TMEM100: variants seen among roughly 807,000 people sequenced by gnomAD.
TMEM100 encodes transmembrane protein 100.
For missense variants in TMEM100, 137 were observed against 168.2 expected (o/e 0.81, Z 1.02); for synonymous variants, 61 against 67.1 (o/e 0.91, Z 0.44).
chr17:55,723,360 T>C (rs1908970509), upstream of TMEM100, among the ~76,000 whole-genome samples: 1 of 152,140 alleles, frequency 6.6e-6, no homozygotes, highest in African/African-American at 2.4e-5. Flanking sequence ...AAAACCCCAC[T>C]TGTTGAGTGT....
rs1426585173 is a variant in TMEM100, at chr17:55,720,582, C to T, written c.*84G>A. 2.2e-6 allele frequency: 3 copies of T among 1,359,178 alleles called. No homozygotes were observed. Among genetic ancestry groups the T allele is most frequent in the East Asian group, 3.0e-5 (1 of 33,238 alleles). The allele number at this position is 1,359,178 out of a possible 1,614,324, so 84.2% of individuals were successfully genotyped here. A position where few individuals can be genotyped will look rare whatever the true frequency, so the allele number is the denominator to read the frequency against. The stretch of plus-strand genomic sequence containing the variant: ...TCTGCTCCAACGCCAAGTCTGTTCT[C>T]TCCCACCATGGTTCTGGGTGAATTG... On this transcript the variant is annotated 3_prime_UTR_variant, in exon 2 of 2. Transcript: ENST00000424486.
chr17:55,724,570 GT>G (rs899143604), upstream of TMEM100, among the ~76,000 whole-genome samples: 11 of 152,166 alleles, frequency 7.2e-5, no homozygotes, highest in African/African-American at 2.4e-4. Flanking sequence ...TACAATGGAG[GT>G]TCTTGAGAAG....
upstream of TMEM100, among the ~76,000 whole-genome samples, chr17:55,727,604 T>G (rs1195721694): frequency 1.3e-5 from 2 of 152,248 alleles, no homozygotes; most frequent in African/African-American, 4.8e-5. Context: ...CATAAAATTA[T>G]GTACATAAAC....
chr17:55,722,431 A>C (rs1878009450), intron 1 of TMEM100, 188 bp downstream of exon 1: 1 of 152,234 alleles, frequency 6.6e-6, no homozygotes, highest in Non-Finnish European at 1.5e-5. Context: ...TAAATCTTAG[A>C]GCTGCCTACT....
intron 1 of TMEM100, among the ~76,000 whole-genome samples, chr17:55,728,947 A>G (rs1428173490): frequency 6.6e-6 from 1 of 152,252 alleles, no homozygotes; most frequent in Non-Finnish European, 1.5e-5. Context: ...AGTCTTCTAC[A>G]AAGAGCACTG....
intron 1 of TMEM100, among the ~76,000 whole-genome samples, chr17:55,731,015 G>A (rs1040446513): frequency 1.3e-5 from 2 of 152,126 alleles, no homozygotes; most frequent in African/African-American, 2.4e-5. Flanking sequence ...ATGAGAACAC[G>A]ATGTTTCTTC....
chr17:55,730,004 C>G (rs1404771717), intron 1 of TMEM100, among the ~76,000 whole-genome samples: 1 of 152,110 alleles, frequency 6.6e-6, no homozygotes, highest in East Asian at 1.9e-4. Flanking sequence ...TTTTGCCTTA[C>G]TAAGAACTAA....
rs1373356870 is a variant in TMEM100, at chr17:55,721,027, G to A, written c.44C>T (p.Ala15Val). 6.2e-7 allele frequency: 1 copy of A among 1,613,772 alleles called. No homozygotes were observed. Among genetic ancestry groups the A allele is most frequent in the African/African-American group, 1.3e-5 (1 of 75,010 alleles). Residue 15 changes from alanine to valine, a missense_variant, in exon 2 of 2, where the codon GCT (alanine) becomes GTT (valine). Physicochemically the swap from Ala to Val is moderately conservative, Grantham distance 64. Coordinates refer to ENST00000424486, the MANE Select transcript of TMEM100 (RefSeq NM_018286.3). ...CTTCTCCATCGTCGCTGCCATGTGAGCCTTTGGGGCTCCCAGGATCTCCTT... is the reference window on the plus strand; with the variant it reads ...CTTCTCCATCGTCGCTGCCATGTGAACCTTTGGGGCTCCCAGGATCTCCTT... ...PIKEILGAPK[A>V]HMAATMEKSP...
upstream of TMEM100, among the ~76,000 whole-genome samples, chr17:55,727,053 C>A (rs368233256): frequency 2.6e-5 from 4 of 152,102 alleles, no homozygotes; most frequent in East Asian, 7.7e-4. Context: ...ATTACAATCC[C>A]CATTCTCTTA....
upstream of TMEM100, among the ~76,000 whole-genome samples, chr17:55,727,530 T>C (rs1044258563): frequency 8.5e-5 from 13 of 152,166 alleles, no homozygotes; most frequent in African/African-American, 2.7e-4. Context: ...ATGGAGCCCT[T>C]TGGTGCTCGT....
At chr17:55,730,345 T>A (rs1296255675) in intron 1 of TMEM100, among the ~76,000 whole-genome samples, 1 of 152,212 alleles carries the variant, frequency 6.6e-6, no homozygotes, top group Non-Finnish European at 1.5e-5. Flanking sequence ...CTAAGTACAT[T>A]AATTATTCCT....
In TMEM100 at chr17:55,722,629, G is replaced by A. The variant is rs1186722545; in HGVS notation, c.-76C>T. On this transcript the variant is annotated 5_prime_UTR_variant, in exon 1 of 2. Transcript: ENST00000424486. ...ATTACTTACACTCACCTCGGAGAGAGGCAATCCATTACCAGAGTAACCACT... is the reference window on the plus strand; with the variant it reads ...ATTACTTACACTCACCTCGGAGAGAAGCAATCCATTACCAGAGTAACCACT... The A allele has an allele frequency of 6.6e-6, 1 of 152,214 alleles. No homozygotes were observed. Among genetic ancestry groups the A allele is most frequent in the Non-Finnish European group, 1.5e-5 (1 of 68,042 alleles). 9.4% of individuals were successfully genotyped at this position (152,214 alleles called of 1,614,324 possible). A position where few individuals can be genotyped will look rare whatever the true frequency, so the allele number is the denominator to read the frequency against.
At chr17:55,730,995 C>T (rs1466516717) in intron 1 of TMEM100, among the ~76,000 whole-genome samples, 1 of 152,164 alleles carries the variant, frequency 6.6e-6, no homozygotes, top group Non-Finnish European at 1.5e-5. Context: ...AGAGAGTACA[C>T]AGCCACAGAA....
Position 55,720,725 on chromosome 17 carries a change from C to G in TMEM100, c.346G>C (p.Ala116Pro), listed in dbSNP as rs1296561254. The change falls in exon 2 of 2, where the codon GCC becomes CCC. Residue 116 changes from alanine (A) to proline (P), a missense_variant. Coordinates refer to ENST00000424486, the MANE Select transcript of TMEM100 (RefSeq NM_018286.3). ...CWKVRQRSKKAKRRESQTALV... is the reference protein window; with the variant it reads ...CWKVRQRSKKPKRRESQTALV... The stretch of plus-strand genomic sequence containing the variant: ...GCTGTTTGACTCTCCCGTCTCTTGG[C>G]TTTCTTGCTCCTTTGTCTCACTTTC... The G allele has an allele frequency of 6.2e-7, 1 of 1,613,966 alleles. No individual in the cohort carries two copies. The highest frequency in any genetic ancestry group is 8.5e-7 in the Non-Finnish European group (1 of 1,179,982).
At position 55,721,044 on chromosome 17, in the gene TMEM100, G is replaced by A. The variant is rs772892040; in HGVS notation, c.27C>T (p.Ile9=). 61 of 1,612,980 alleles carry A rather than the reference G, an allele frequency of 3.8e-5. No individual in the cohort carries two copies. The South Asian group carries it at 4.6e-4, about 12-fold the overall frequency. The change falls in exon 2 of 2, where the codon ATC becomes ATT. Residue 9 remains isoleucine, a synonymous_variant. Transcript: ENST00000424486. ...CCATGTGAGCCTTTGGGGCTCCCAG[G>A]ATCTCCTTGATGGGCTCTTCAGTCA... MTEEPIKE[I]LGAPKAHMAA...
upstream of TMEM100, among the ~76,000 whole-genome samples, chr17:55,725,739 G>GTC (rs1909052377): frequency 7.3e-6 from 1 of 136,878 alleles, no homozygotes; most frequent in Admixed American, 6.9e-5. Context: ...GTGTGTGTGT[G>GTC]TGTGTGTGTG....
rs771017116 is a variant in TMEM100 at position 55,721,062 on chromosome 17, T to G, written c.9A>C (p.Glu3Asp). The G allele has an allele frequency of 1.2e-6, 2 of 1,608,658 alleles. No homozygotes were observed. Among genetic ancestry groups the G allele is most frequent in the South Asian group, 2.2e-5 (2 of 90,174 alleles). Reference sequence around the variant, plus strand: ...CTCCCAGGATCTCCTTGATGGGCTCTTCAGTCATTTTTACAACAGTGCTTC... The same window carrying G: ...CTCCCAGGATCTCCTTGATGGGCTCGTCAGTCATTTTTACAACAGTGCTTC... MTEEPIKEILGAP... is the reference protein window; with the variant it reads MTDEPIKEILGAP... The change falls in exon 2 of 2, where the codon GAA (glutamate) becomes GAC (aspartate). Residue 3 changes from glutamate to aspartate, a missense_variant. Coordinates refer to ENST00000424486, the MANE Select transcript of TMEM100 (RefSeq NM_018286.3).
At chr17:55,723,278 T>A (rs759780025), upstream of TMEM100, among the ~76,000 whole-genome samples, 28 of 149,074 alleles carry the variant, frequency 1.9e-4, no homozygotes, top group Non-Finnish European at 1.6e-4. Flanking sequence ...ATTCAGTCTC[T>A]AAGCCAGCAA....
upstream of TMEM100, among the ~76,000 whole-genome samples, chr17:55,727,018 G>A (rs1245057021): frequency 6.6e-6 from 1 of 152,096 alleles, no homozygotes; most frequent in African/African-American, 2.4e-5. Context: ...ATATAGAAAG[G>A]GAAACATACA....
Sources: gnomAD v4.1 joint callset for allele counts (sites outside exome capture counted in the v4.1 genomes callset) on GRCh38, gnomAD v4.1.1 for gene constraint, MANE v1.5 for transcripts, NCBI Gene and HGNC (gene_info 2026-07-23, HGNC 2026-07-21) for gene names.